Variants in KDM2B observed in about 807,000 individuals in gnomAD.
KDM2B encodes the protein lysine demethylase 2B.
KDM2B carries 26 observed loss-of-function variants against 150.0 expected under a neutral mutation model. The ratio of observed to expected loss-of-function variants is 0.17; its 90% CI spans 0.13 to 0.24. The LOEUF (loss-of-function observed/expected upper bound fraction) is 0.24. Ranked by LOEUF, KDM2B falls within the 10% of genes least tolerant of loss-of-function variation. The probability of loss-of-function intolerance (pLI) is 1.00; values close to 1 mark genes in which losing one functional copy is unlikely to be tolerated. For synonymous variants in KDM2B, 734 were observed against 729.5 expected, an observed-to-expected ratio of 1.01 and a Z score of -0.10; for missense variants, 1,265 against 1,816.9, an observed-to-expected ratio of 0.70 and a Z score of 5.52.
chr12:121,548,904 G>A lies in KDM2B; in HGVS notation c.656C>T (p.Ala219Val), dbSNP rs1239366157. Residue 219 changes from alanine (A) to valine (V), a missense_variant, in exon 6 of 23, where the codon GCA becomes GTA. Coordinates refer to ENST00000377071, the MANE Select transcript of KDM2B (RefSeq NM_032590.5). ...EKQTEATNAI[A>V]EMKYPKVKKY... ...TTTCACTTTCGGGTACTTCATCTCT[G>A]CAATGGCGTTCGTGGCTTCTGTCTG... The A allele has an allele frequency of 1.2e-6, 2 of 1,614,096 alleles. No homozygotes were observed. The highest frequency in any genetic ancestry group is 1.7e-6 in the Non-Finnish European group (2 of 1,179,940).
the KDM2B span, among the ~76,000 whole-genome samples, chr12:121,411,834 G>C: frequency 2.0e-5 from 3 of 152,180 alleles, no homozygotes; most frequent in Non-Finnish European, 4.4e-5. Flanking sequence ...AGAGCTGTTG[G>C]TTTAGTAGCT....
intron 12 of KDM2B, among the ~76,000 whole-genome samples, chr12:121,479,460 C>T (rs1385832506): frequency 2.2e-5 from 2 of 89,910 alleles, no homozygotes; most frequent in Admixed American, 1.1e-4. Context: ...GAGCGAGACC[C>T]TGTCTCAAAA....
chr12:121,423,073 AG>A, the KDM2B span, among the ~76,000 whole-genome samples: 21 of 152,380 alleles, frequency 1.4e-4, no homozygotes, highest in East Asian at 3.9e-3. The surrounding 1 kb of genome is among the most constrained non-coding windows in gnomAD (Gnocchi z 4.3). Context: ...TTCTAGTTAC[AG>A]AAGTAATATA....
In KDM2B at chr12:121,532,773, C is replaced by T. The variant is rs4981006; in HGVS notation, c.931+33G>A. 8.1e-6 allele frequency: 13 copies of T among 1,610,112 alleles called. No individual in the cohort carries two copies. In the South Asian group the frequency reaches 1.1e-4, roughly 14 times the overall value. ...ACCCTGGCTCAGGCCGCAGGAGACT[C>T]GAGGAGCCCAGAGAGTGCCCCTGGA... On this transcript the variant is annotated intron_variant, in intron 8 of 22. Coordinates refer to ENST00000377071, the MANE Select transcript of KDM2B (RefSeq NM_032590.5).
the KDM2B span, among the ~76,000 whole-genome samples, chr12:121,416,765 A>T: frequency 6.6e-6 from 1 of 152,258 alleles, no homozygotes; most frequent in Non-Finnish European, 1.5e-5. Flanking sequence ...AAATGAATGC[A>T]ATAAATTAAC....
At chr12:121,414,402 T>C in the KDM2B span, among the ~76,000 whole-genome samples, 2 of 151,246 alleles carry the variant, frequency 1.3e-5, no homozygotes, top group African/African-American at 4.9e-5. Flanking sequence ...TTCTTTTATG[T>C]ATACTTGGGA....
the KDM2B span, among the ~76,000 whole-genome samples, chr12:121,414,669 CTGTTGT>C: frequency 1.3e-5 from 2 of 152,066 alleles, no homozygotes; most frequent in African/African-American, 4.8e-5. Context: ...AAATACTTTC[CTGTTGT>C]TGTTGTTGTT....
At chr12:121,413,746 T>G in the KDM2B span, among the ~76,000 whole-genome samples, 6 of 151,956 alleles carry the variant, frequency 3.9e-5, no homozygotes, top group Non-Finnish European at 8.8e-5. Flanking sequence ...CCAGCTAATT[T>G]TTTGTATTTT....
At chr12:121,476,979 T>C (rs1881455789) in intron 12 of KDM2B, among the ~76,000 whole-genome samples, 1 of 152,222 alleles carries the variant, frequency 6.6e-6, no homozygotes, top group African/African-American at 2.4e-5. Flanking sequence ...GTAGCCCCAG[T>C]TGACAAGGAA....
intron 13 of KDM2B, among the ~76,000 whole-genome samples, chr12:121,451,940 T>C (rs887592474): frequency 2.0e-5 from 3 of 151,576 alleles, no homozygotes; most frequent in African/African-American, 7.3e-5. Context: ...TTGGTACAAA[T>C]ACACTTTCAG....
chr12:121,554,625 G>A (rs1889765962), intron 4 of KDM2B, among the ~76,000 whole-genome samples: 1 of 151,944 alleles, frequency 6.6e-6, no homozygotes, highest in African/African-American at 2.4e-5. Context: ...TGTCCAGGCT[G>A]GTCTAGAACT....
Position 121,452,658 on chromosome 12 carries a change from G to A in KDM2B, c.1959+462C>T, listed in dbSNP as rs1422966735. On this transcript the variant is annotated intron_variant, in intron 13 of 22. Transcript: ENST00000377071. The surrounding 1 kb of genome is among the most constrained non-coding windows in gnomAD (Gnocchi z 4.4). ...GACCAGCGGCGCGGGGCCACTGCCGGAGCTGAGGCCAGGCGGTGTGGAGGG... is the reference window on the plus strand; with the variant it reads ...GACCAGCGGCGCGGGGCCACTGCCGAAGCTGAGGCCAGGCGGTGTGGAGGG... Among the ~76,000 whole-genome samples the A allele has an allele frequency of 6.6e-6, 1 of 152,260 alleles. No individual in the cohort carries two copies.
intron 1 of KDM2B, 42 bp from the exon 2 acceptor site, chr12:121,578,988 G>T (rs1555317405): frequency 6.3e-7 from 1 of 1,586,812 alleles, no homozygotes; most frequent in African/African-American, 1.3e-5. Context: ...ATTATTGTGG[G>T]GGCTGGAGGT....
chr12:121,524,930 G>A (rs1048591301), intron 8 of KDM2B: 15 of 257,016 alleles, frequency 5.8e-5, no homozygotes, highest in Admixed American at 4.1e-4. Context: ...GGGGCAGGTG[G>A]GGCTCACCCA....
At chr12:121,497,871 G>A (rs1391602742) in intron 11 of KDM2B, among the ~76,000 whole-genome samples, 4 of 151,980 alleles carry the variant, frequency 2.6e-5, no homozygotes, top group Non-Finnish European at 5.9e-5. Context: ...GCCAAGGCGG[G>A]TGGATCACTT....
At position 121,440,164 on chromosome 12, in the gene KDM2B, C is replaced by G; in HGVS notation, c.3611-89G>C. 3 of 859,938 alleles carry G rather than the reference C, an allele frequency of 3.5e-6. No individual in the cohort carries two copies. The South Asian group carries it at 4.6e-5, about 13-fold the overall frequency. The allele number at this position is 859,938 out of a possible 1,614,324, so 53.3% of individuals were successfully genotyped here. A position where few individuals can be genotyped will look rare whatever the true frequency, so the allele number is the denominator to read the frequency against. On this transcript the variant is annotated intron_variant, in intron 21 of 22. Coordinates refer to ENST00000377071, the MANE Select transcript of KDM2B (RefSeq NM_032590.5). ...ATGACACTCTAAAAGGCCCACCAGC[C>G]AGACAGAACACTCAGATTTCATTTA...
chr12:121,579,959 A>G, intron 1 of KDM2B: 1 of 1,476,682 alleles, frequency 6.8e-7, no homozygotes, highest in Non-Finnish European at 9.0e-7. Flanking sequence ...AAAAAAAAAA[A>G]AGATCTATCA....
rs1891415308 is a variant in KDM2B at position 121,575,108 on chromosome 12, T to C, written c.351-515A>G. 6.6e-6 allele frequency among the ~76,000 whole-genome samples: 1 copy of C among 152,238 alleles called. No homozygotes were observed. Among genetic ancestry groups the C allele is most frequent in the East Asian group, 1.9e-4 (1 of 5,198 alleles). On this transcript the variant is annotated intron_variant, in intron 3 of 22. Transcript: ENST00000377071. The surrounding 1 kb of genome is among the most constrained non-coding windows in gnomAD (Gnocchi z 4.4). ...ACAATTCACTATTAATTAACAATGA[T>C]GCCCAAGGTTTAAATCCTACTCACA...
the KDM2B span, chr12:121,420,236 G>T: frequency 6.2e-7 from 1 of 1,609,524 alleles, no homozygotes; most frequent in Non-Finnish European, 8.5e-7. Flanking sequence ...CGTTGTATAA[G>T]TGTAGGTACA....
Sources: gnomAD v4.1 joint callset for allele counts (sites outside exome capture counted in the v4.1 genomes callset) on GRCh38, gnomAD v4.1.1 for gene constraint, Gnocchi (gnomAD v3.1) non-coding constraint, MANE v1.5 for transcripts, NCBI Gene and HGNC (gene_info 2026-07-23, HGNC 2026-07-21) for gene names.